Variants in FANCC observed in about 807,000 individuals in gnomAD.
The protein encoded by FANCC is Fanconi anemia group C protein.
FANCC carries 55 observed loss-of-function variants against 71.3 expected under a neutral mutation model. The ratio of observed to expected loss-of-function variants is 0.77; its 90% CI spans 0.62 to 0.97. FANCC has a LOEUF of 0.97. Ranked by LOEUF, FANCC falls within the 50% of genes least tolerant of loss-of-function variation. The probability of loss-of-function intolerance (pLI) is 0.00; values close to 1 mark genes in which losing one functional copy is unlikely to be tolerated. For synonymous variants in FANCC, 275 were observed against 244.9 expected (o/e 1.12, Z -1.15); for missense variants, 678 against 670.9 (o/e 1.01, Z -0.12).
At chr9:95,198,763 C>G (rs1348213246) in intron 4 of FANCC, among the ~76,000 whole-genome samples, 1 of 152,078 alleles carries the variant, frequency 6.6e-6, no homozygotes, top group Non-Finnish European at 1.5e-5. Flanking sequence ...GAGACAGAGT[C>G]TTACTAGAAA....
At chr9:95,221,411 G>A (rs1271399360) in intron 4 of FANCC, among the ~76,000 whole-genome samples, 4 of 151,960 alleles carry the variant, frequency 2.6e-5, no homozygotes, top group Non-Finnish European at 5.9e-5. Context: ...AAACACAGGA[G>A]AAAATCTTCA....
chr9:95,227,770 C>G (rs1829715601), intron 4 of FANCC, among the ~76,000 whole-genome samples: 1 of 152,210 alleles, frequency 6.6e-6, no homozygotes, highest in South Asian at 2.1e-4. Flanking sequence ...CCAGCTAAAC[C>G]TTCTTGAGTA....
At chr9:95,116,584 A>G (rs1229663617) in intron 11 of FANCC, among the ~76,000 whole-genome samples, 9 of 152,198 alleles carry the variant, frequency 5.9e-5, no homozygotes, top group African/African-American at 2.2e-4. Flanking sequence ...CCATGCTCCA[A>G]TAAGGCCCCT....
chr9:95,133,235 TGAG>T (rs781771931), intron 8 of FANCC, among the ~76,000 whole-genome samples: 27 of 152,354 alleles, frequency 1.8e-4, no homozygotes, highest in Non-Finnish European at 2.9e-4. Context: ...CCCAGGATGC[TGAG>T]GAGAACAGCC....
At chr9:95,108,188 A>T (rs1035338106) in intron 13 of FANCC, among the ~76,000 whole-genome samples, 3 of 152,226 alleles carry the variant, frequency 2.0e-5, no homozygotes, top group African/African-American at 7.2e-5. Flanking sequence ...TCTGTCATAA[A>T]CTCCAGTACA....
At chr9:95,138,995 C>T (rs957467546) in intron 7 of FANCC, among the ~76,000 whole-genome samples, 1 of 152,202 alleles carries the variant, frequency 6.6e-6, no homozygotes, top group Non-Finnish European at 1.5e-5. Context: ...AGATTTTGCT[C>T]TAAAACCTCA....
chr9:95,295,828 T>C (rs376593710), intron 1 of FANCC, among the ~76,000 whole-genome samples: 1 of 148,924 alleles, frequency 6.7e-6, no homozygotes, highest in Non-Finnish European at 1.5e-5. Flanking sequence ...GGAGGGGAAA[T>C]TGAGAGGTGA....
chr9:95,106,191 C>T (rs2071435681), intron 14 of FANCC, among the ~76,000 whole-genome samples: 1 of 152,036 alleles, frequency 6.6e-6, no homozygotes, highest in South Asian at 2.1e-4. Flanking sequence ...CTGCACTTTG[C>T]CTTTCCCTGA....
At chr9:95,142,204 G>A (rs1014639870) in intron 7 of FANCC, among the ~76,000 whole-genome samples, 6 of 151,956 alleles carry the variant, frequency 3.9e-5, no homozygotes. Context: ...CGTTGGCCAG[G>A]CTGGTCTTAA....
chr9:95,312,682 G>A (rs1025975882), intron 1 of FANCC, among the ~76,000 whole-genome samples: 1 of 152,254 alleles, frequency 6.6e-6, no homozygotes, highest in Admixed American at 6.5e-5. Context: ...AACAGGACTG[G>A]AGTAACAAGG....
intron 1 of FANCC, among the ~76,000 whole-genome samples, chr9:95,290,456 CTTGAAAAAGGGAT>C (rs1370318793): frequency 6.6e-6 from 1 of 152,112 alleles, no homozygotes; most frequent in East Asian, 1.9e-4. Flanking sequence ...AGAAGGAGAT[CTTGAAAAAGGGAT>C]TTGAGTAGAG....
intron 4 of FANCC, among the ~76,000 whole-genome samples, chr9:95,185,031 T>A (rs1826625769): frequency 6.6e-6 from 1 of 152,216 alleles, no homozygotes; most frequent in Non-Finnish European, 1.5e-5. Flanking sequence ...AAATCTGAAA[T>A]CCTTAATATC....
intron 4 of FANCC, among the ~76,000 whole-genome samples, chr9:95,196,595 A>G (rs529811773): frequency 6.6e-6 from 1 of 152,320 alleles, no homozygotes; most frequent in Admixed American, 6.5e-5. Flanking sequence ...AGATACCAAG[A>G]TAATATTGTC....
intron 4 of FANCC, among the ~76,000 whole-genome samples, chr9:95,220,616 G>C (rs1484616111): frequency 6.6e-6 from 1 of 152,092 alleles, no homozygotes; most frequent in Non-Finnish European, 1.5e-5. Flanking sequence ...GCTACCACAA[G>C]GACAGAAAAC....
At chr9:95,172,380 T>C (rs577314064) in intron 4 of FANCC, among the ~76,000 whole-genome samples, 4 of 152,324 alleles carry the variant, frequency 2.6e-5, no homozygotes, top group South Asian at 2.1e-4. Context: ...GAAACAAAAA[T>C]ATATATCATC....
chr9:95,273,467 C>T (rs1832854163), intron 1 of FANCC, among the ~76,000 whole-genome samples: 1 of 152,062 alleles, frequency 6.6e-6, no homozygotes, highest in African/African-American at 2.4e-5. Context: ...TGAACAACAC[C>T]CAAGGAAAGA....
rs546045207 is a variant in FANCC, at chr9:95,233,210, TA to T, written c.345+7438del. 4.5e-4 allele frequency among the ~76,000 whole-genome samples: 65 copies of T among 143,966 alleles called. 1 individual carries two copies. The highest frequency in any genetic ancestry group is 2.7e-3 in the South Asian group (12 of 4,524). The allele number at this position is 143,966 out of a possible 152,430, so 94.4% of individuals were successfully genotyped here. On this transcript the variant is annotated intron_variant, in intron 4 of 14. Transcript: ENST00000289081. ...AAAAATTCAATTATCAATTAATCTT[TA>T]AAAAAAAAAACCCTGAGGTTGTAGA...
intron 1 of FANCC, among the ~76,000 whole-genome samples, chr9:95,270,327 C>A (rs941438896): frequency 6.6e-6 from 1 of 152,212 alleles, no homozygotes; most frequent in African/African-American, 2.4e-5. Context: ...CAGGCCAACA[C>A]GAGAGGGGAG....
intron 1 of FANCC, among the ~76,000 whole-genome samples, chr9:95,258,210 T>C (rs909868095): frequency 6.6e-6 from 1 of 152,190 alleles, no homozygotes; most frequent in Non-Finnish European, 1.5e-5. Flanking sequence ...ATCATCTTGA[T>C]ACCAAAACCT....
Sources: allele counts gnomAD v4.1 joint callset (sites outside exome capture counted in the v4.1 genomes callset), GRCh38; gene constraint gnomAD v4.1.1; transcripts MANE v1.5; gene names NCBI Gene and HGNC (gene_info 2026-07-23, HGNC 2026-07-21).